SNHG17: variants seen among roughly 807,000 people sequenced by gnomAD.
SNHG17 encodes small nucleolar RNA host gene 17.
intron 2 of SNHG17, among the ~76,000 whole-genome samples, chr20:38,431,656 C>T (rs1431568922): frequency 2.0e-5 from 3 of 152,192 alleles, no homozygotes; most frequent in Non-Finnish European, 4.4e-5. Flanking sequence ...TCCTGTTTTC[C>T]AGACGAGAAA....
At chr20:38,424,689 C>A (rs2084215610) in intron 5 of SNHG17, among the ~76,000 whole-genome samples, 1 of 152,154 alleles carries the variant, frequency 6.6e-6, no homozygotes, top group East Asian at 1.9e-4. Context: ...ACAGTGTGAC[C>A]AGTGCTGAGA....
chr20:38,420,853 C>T (rs1167055443), exon 8 of SNHG17: 1 of 152,174 alleles, frequency 6.6e-6, no homozygotes, highest in Non-Finnish European at 1.5e-5. Context: ...GGTAGCCTCA[C>T]TCTCCATTCT....
At chr20:38,425,541 T>C (rs535250749) in intron 5 of SNHG17, among the ~76,000 whole-genome samples, 9 of 152,334 alleles carry the variant, frequency 5.9e-5, no homozygotes, top group South Asian at 2.1e-4. Flanking sequence ...TTAAGCCAGA[T>C]TGCTGGCTCC....
At chr20:38,429,547 A>AT (rs1314572840) in intron 3 of SNHG17, 1 of 320,878 alleles carries the variant, frequency 3.1e-6, no homozygotes, top group Non-Finnish European at 6.0e-6. Context: ...GGCCAAACCC[A>AT]TCACCCCACA....
At chr20:38,434,232 G>A (rs2084391328) in intron 2 of SNHG17, among the ~76,000 whole-genome samples, 1 of 152,216 alleles carries the variant, frequency 6.6e-6, no homozygotes, top group Non-Finnish European at 1.5e-5. Context: ...CAGGCACCGT[G>A]GGTTCAAAAT....
At chr20:38,431,837 C>A (rs2084346588) in intron 2 of SNHG17, among the ~76,000 whole-genome samples, 1 of 152,140 alleles carries the variant, frequency 6.6e-6, no homozygotes, top group Non-Finnish European at 1.5e-5. Context: ...ACAAGAGGAA[C>A]CCAATGTATT....
chr20:38,428,737 C>CTGGGGAGGTCG (rs1268351225), intron 3 of SNHG17: 1 of 152,248 alleles, frequency 6.6e-6, no homozygotes, highest in East Asian at 1.9e-4. Flanking sequence ...CAGCAAGCAG[C>CTGGGGAGGTCG]TGGGGAGGTC....
intron 2 of SNHG17, among the ~76,000 whole-genome samples, chr20:38,433,659 G>A (rs2084375588): frequency 6.6e-6 from 1 of 152,154 alleles, no homozygotes; most frequent in Non-Finnish European, 1.5e-5. Flanking sequence ...ATAGAGAGAG[G>A]CAAAGACAAT....
intron 2 of SNHG17, among the ~76,000 whole-genome samples, chr20:38,434,246 G>C (rs186757163): frequency 6.6e-6 from 1 of 152,298 alleles, no homozygotes; most frequent in Non-Finnish European, 1.5e-5. Context: ...TCAAAATCAA[G>C]AAAAACAGCC....
At chr20:38,435,141 T>G in intron 1 of SNHG17, 1 of 1,232,302 alleles carries the variant, frequency 8.1e-7, no homozygotes, top group Non-Finnish European at 1.0e-6. Context: ...CCCCGGGGCC[T>G]CAGTTTCCCC....
At chr20:38,424,717 T>C (rs1274309400) in intron 5 of SNHG17, among the ~76,000 whole-genome samples, 1 of 151,884 alleles carries the variant, frequency 6.6e-6, no homozygotes, top group Non-Finnish European at 1.5e-5. Context: ...AGGAGTGTGA[T>C]GGGGAGGCAG....
At chr20:38,431,924 A>G in intron 2 of SNHG17, 3 of 808,990 alleles carry the variant, frequency 3.7e-6, no homozygotes, top group Non-Finnish European at 4.5e-6. Flanking sequence ...CTTCCCAGAC[A>G]TCACGCCCAG....
chr20:38,425,766 A>T (rs1040067506), intron 5 of SNHG17, among the ~76,000 whole-genome samples: 1 of 152,168 alleles, frequency 6.6e-6, no homozygotes, highest in Admixed American at 6.5e-5. Flanking sequence ...GTGTGATACT[A>T]TCCACACGTC....
intron 3 of SNHG17, chr20:38,429,470 AAGCTTCC>A: frequency 4.0e-6 from 1 of 248,686 alleles, no homozygotes; most frequent in Admixed American, 6.1e-5. Flanking sequence ...GAGGCAGAGA[AAGCTTCC>A]GGGAGGAAGG....
chr20:38,429,632 C>T (rs766336006), intron 3 of SNHG17: 1 of 472,652 alleles, frequency 2.1e-6, no homozygotes, highest in South Asian at 1.5e-5. Context: ...TGATGCCAGG[C>T]ACCAGGAGCC....
intron 2 of SNHG17, chr20:38,434,010 C>T (rs765194037): frequency 1.9e-5 from 10 of 518,528 alleles, no homozygotes; most frequent in African/African-American, 1.9e-4. Context: ...CAAAAAAGGG[C>T]AGGTGAGCCC....
At chr20:38,431,930 C>G (rs2084347778) in intron 2 of SNHG17, 1 of 861,260 alleles carries the variant, frequency 1.2e-6, no homozygotes, top group Non-Finnish European at 1.4e-6. Flanking sequence ...AGACATCACG[C>G]CCAGGGAACC....
chr20:38,434,930 G>A, intron 1 of SNHG17: 1 of 1,225,994 alleles, frequency 8.2e-7, no homozygotes, highest in Non-Finnish European at 1.0e-6. Flanking sequence ...CGCCATCCAG[G>A]GGCACTAAGC....
At chr20:38,420,672 A>G (rs1337452726) in exon 8 of SNHG17, 1 of 152,220 alleles carries the variant, frequency 6.6e-6, no homozygotes, top group African/African-American at 2.4e-5. Context: ...CTTGGTTATT[A>G]AAGTCATTCC....
Sources: gnomAD v4.1 joint callset for allele counts (sites outside exome capture counted in the v4.1 genomes callset) on GRCh38, gnomAD v4.1.1 for gene constraint, MANE v1.5 for transcripts, NCBI Gene and HGNC (gene_info 2026-07-23, HGNC 2026-07-21) for gene names.